Variants in SNRPN observed in about 807,000 individuals in gnomAD.
SNRPN encodes the protein small nuclear ribonucleoprotein polypeptide N, also known as small nuclear ribonucleoprotein-associated protein N.
In SNRPN, 7 loss-of-function variants were observed where a neutral mutation model predicts 25.2. That is an observed-to-expected ratio of 0.28 (90% CI 0.16 to 0.52). The LOEUF is 0.52. Ranked by LOEUF, SNRPN falls within the 20% of genes least tolerant of loss-of-function variation. The probability of loss-of-function intolerance (pLI) is 0.96; values close to 1 mark genes in which losing one functional copy is unlikely to be tolerated. For synonymous variants in SNRPN, 124 were observed against 110.6 expected (o/e 1.12, Z -0.76); for missense variants, 196 against 322.5 (o/e 0.61, Z 3.00).
intron 3 of SNRPN, among the ~76,000 whole-genome samples, chr15:24,948,270 T>A (rs1198411971): frequency 1.3e-5 from 2 of 152,066 alleles, no homozygotes; most frequent in African/African-American, 4.8e-5. Context: ...CATGCCACCA[T>A]GCCCAGTTAA....
At chr15:24,878,303 G>A (rs532807800) in intron 1 of SNRPN, among the ~76,000 whole-genome samples, 17 of 152,308 alleles carry the variant, frequency 1.1e-4, no homozygotes, top group Admixed American at 5.9e-4. Context: ...AACCACCGCT[G>A]CCACGCAGCC....
chr15:24,834,200 AGG>A (rs2050808958), intron 2 of SNRPN, among the ~76,000 whole-genome samples: 1 of 152,174 alleles, frequency 6.6e-6, no homozygotes, highest in Non-Finnish European at 1.5e-5. Context: ...CTGGGATTAC[AGG>A]CGTGAGCCAC....
chr15:24,837,053 A>C (rs1013757954), intron 2 of SNRPN, among the ~76,000 whole-genome samples: 16 of 152,038 alleles, frequency 1.1e-4, no homozygotes, highest in Admixed American at 3.3e-4. Context: ...TTAGTGTGCC[A>C]GGGTGCCATA....
chr15:24,881,584 G>GGA lies in SNRPN; in HGVS notation c.-578-4897_-578-4896dup, dbSNP rs1157961647. Among the ~76,000 whole-genome samples the GGA allele has an allele frequency of 6.0e-3, 347 of 57,446 alleles. 4 individuals are homozygous for GGA. The highest frequency in any genetic ancestry group is 7.9e-3 in the Non-Finnish European group (208 of 26,232). The allele number at this position is 57,446 out of a possible 152,430, so 37.7% of individuals were successfully genotyped here. A position where few individuals can be genotyped will look rare whatever the true frequency, so the allele number is the denominator to read the frequency against. The stretch of plus-strand genomic sequence containing the variant: ...GGGAGGGAGGGAGGGAGGGAGGGAG[G>GGA]GAGAGAGAGAGAGAGAGAGAGAGAG... On this transcript the variant is annotated intron_variant, in intron 1 of 11. Transcript: ENST00000400097.
intron 1 of SNRPN, among the ~76,000 whole-genome samples, chr15:24,829,531 G>A (rs1360332460): frequency 6.6e-6 from 1 of 152,088 alleles, no homozygotes; most frequent in Non-Finnish European, 1.5e-5. Context: ...GGGCATGGGG[G>A]TGAGGGTGCC....
At chr15:24,847,220 A>G (rs2052283337) in intron 2 of SNRPN, among the ~76,000 whole-genome samples, 1 of 152,138 alleles carries the variant, frequency 6.6e-6, no homozygotes. Context: ...CTATGCTCAC[A>G]GCGCCACCTA....
At chr15:24,839,642 A>G (rs1295014686) in intron 2 of SNRPN, among the ~76,000 whole-genome samples, 4 of 152,092 alleles carry the variant, frequency 2.6e-5, no homozygotes, top group African/African-American at 7.3e-5. Flanking sequence ...CAAATTGCCA[A>G]GGTTTATTCT....
At chr15:24,953,380 G>C (rs1406098970), upstream of SNRPN, among the ~76,000 whole-genome samples, 1 of 152,194 alleles carries the variant, frequency 6.6e-6, no homozygotes, top group East Asian at 1.9e-4. Context: ...CTGGAGTGCA[G>C]TGGTGTGATC....
At chr15:24,874,975 AGTTT>A (rs904864438) in intron 1 of SNRPN, among the ~76,000 whole-genome samples, 1 of 151,724 alleles carries the variant, frequency 6.6e-6, no homozygotes, top group Non-Finnish European at 1.5e-5. Flanking sequence ...AGTAGTTGAA[AGTTT>A]TTTTCAGTAA....
chr15:24,923,836 G>A (rs1013573448), intron 3 of SNRPN, among the ~76,000 whole-genome samples: 11 of 149,404 alleles, frequency 7.4e-5, no homozygotes, highest in African/African-American at 2.7e-4. Flanking sequence ...AGTTGCTGGA[G>A]TTCACTGTGA....
At chr15:24,959,152 G>A (rs942328495) in intron 1 of SNRPN, among the ~76,000 whole-genome samples, 3 of 152,104 alleles carry the variant, frequency 2.0e-5, no homozygotes. Flanking sequence ...AGTGATCTGA[G>A]GGCAAACATT....
At chr15:24,834,751 C>CTCTCTATATATATATATA in intron 2 of SNRPN, among the ~76,000 whole-genome samples, 27 of 60,942 alleles carry the variant, frequency 4.4e-4, no homozygotes, top group Non-Finnish European at 7.3e-4. Flanking sequence ...CTCTCTCTCT[C>CTCTCTATATATATATATA]TATATATATA....
chr15:24,960,260 A>G (rs2074551926), intron 1 of SNRPN, among the ~76,000 whole-genome samples: 4 of 152,144 alleles, frequency 2.6e-5, no homozygotes, highest in Admixed American at 2.6e-4. Context: ...GGCAAAGTCT[A>G]TATATAACAC....
chr15:24,918,056 T>C, intron 2 of SNRPN, among the ~76,000 whole-genome samples: 1 of 152,038 alleles, frequency 6.6e-6, no homozygotes, highest in East Asian at 1.9e-4. Flanking sequence ...TTCAAAATAC[T>C]TTAAATATTT....
At position 24,900,470 on chromosome 15, in the gene SNRPN, C is replaced by G. The variant is rs546242640; in HGVS notation, c.-505+13881C>G. On this transcript the variant is annotated intron_variant, in intron 2 of 11. Coordinates refer to the SNRPN transcript ENST00000400097. The stretch of plus-strand genomic sequence containing the variant: ...TCTTACCAGTTTAAGTAGCTTGTCT[C>G]TATTGTTTGAAGAAAATATCTTTCC... 1.3e-4 allele frequency among the ~76,000 whole-genome samples: 20 copies of G among 152,258 alleles called. 1 individual carries two copies. The South Asian group carries it at 3.5e-3, about 27-fold the overall frequency.
At chr15:24,852,762 A>G (rs761536761), upstream of SNRPN, among the ~76,000 whole-genome samples, 10 of 152,052 alleles carry the variant, frequency 6.6e-5, no homozygotes, top group Non-Finnish European at 1.2e-4. Flanking sequence ...CTGTTTCTAA[A>G]AAAAATGCAA....
intron 2 of SNRPN, among the ~76,000 whole-genome samples, chr15:24,845,423 C>A (rs2052102230): frequency 6.6e-6 from 1 of 152,046 alleles, no homozygotes; most frequent in Non-Finnish European, 1.5e-5. Flanking sequence ...CATGGGGAAA[C>A]CCCATCTCTA....
chr15:24,849,225 T>G (rs2052568970), intron 2 of SNRPN: 1 of 152,280 alleles, frequency 6.6e-6, no homozygotes, highest in African/African-American at 2.4e-5. Context: ...GCCACCGCGC[T>G]CGGCCTCTAC....
At chr15:24,910,541 G>A (rs1053069235) in intron 2 of SNRPN, among the ~76,000 whole-genome samples, 1 of 152,044 alleles carries the variant, frequency 6.6e-6, no homozygotes, top group Non-Finnish European at 1.5e-5. Context: ...GCCCAGGCAG[G>A]AGTGCAATGG....
Sources: allele counts gnomAD v4.1 joint callset (sites outside exome capture counted in the v4.1 genomes callset), GRCh38; gene constraint gnomAD v4.1.1; transcripts MANE v1.5; gene names NCBI Gene and HGNC (gene_info 2026-07-23, HGNC 2026-07-21).